HIPK4: variants seen among roughly 807,000 people sequenced by gnomAD.
HIPK4 encodes the protein homeodomain interacting protein kinase 4.
HIPK4 carries 26 observed loss-of-function variants against 44.8 expected under a neutral mutation model. That is an observed-to-expected ratio of 0.58 (90% confidence interval 0.43 to 0.80). The LOEUF is 0.80. Among genes scored for constraint, HIPK4 ranks in the 30% least tolerant of loss-of-function variants. The pLI is 0.00. For missense variants in HIPK4, 729 were observed against 862.6 expected (o/e 0.85, Z 1.94); for synonymous variants, 340 against 355.5 (o/e 0.96, Z 0.49).
Position 40,387,653 on chromosome 19 carries a change from A to T in HIPK4, c.465+1785T>A, listed in dbSNP as rs184528473. 1.0e-3 allele frequency among the ~76,000 whole-genome samples: 154 copies of T among 151,894 alleles called. 1 individual carries two copies. The East Asian group carries it at 0.014, about 14-fold the overall frequency. On this transcript the variant is annotated intron_variant, in intron 1 of 3. Coordinates refer to ENST00000291823, the MANE Select transcript of HIPK4 (RefSeq NM_144685.5). Reference sequence around the variant, plus strand: ...CCCACCACATCTGGCTAAGTTTTGTATTTTTAATAGAGACAGGATTTCACC... The same window carrying T: ...CCCACCACATCTGGCTAAGTTTTGTTTTTTTAATAGAGACAGGATTTCACC...
rs2079351468 is a variant in HIPK4 at position 40,384,085 on chromosome 19, G to T, written c.520C>A (p.Pro174Thr). Residue 174 changes from proline (P) to threonine (T), a missense_variant, in exon 2 of 4, where the codon CCA (proline) becomes ACA (threonine). Around this residue, in one of 2 missense-constraint regions of HIPK4, gnomAD observed 196 missense variants for 295.1 expected, o/e 0.66. Coordinates refer to ENST00000291823, the MANE Select transcript of HIPK4 (RefSeq NM_144685.5). ...IFSEVRYVKE[P>T]YIQSRFYRAP... ...CGGTAGAAGCGCGACTGGATGTATG[G>T]CTCCTTCACGTAGCGCACCTCGCTG... The T allele has an allele frequency of 6.2e-7, 1 of 1,609,520 alleles. No homozygotes were observed. Among genetic ancestry groups the T allele is most frequent in the African/African-American group, 1.3e-5 (1 of 74,848 alleles).
chr19:40,389,374 TG>T lies in HIPK4; in HGVS notation c.465+63del. 1.2e-6 allele frequency: 1 copy of T among 803,760 alleles called. No individual in the cohort carries two copies. The allele number at this position is 803,760 out of a possible 1,614,324, so 49.8% of individuals were successfully genotyped here. ...AAAAATTAAAAAAAAAATCTAGGGC[TG>T]GAAGAAGCTGGGAAAAAGACAAGGA... On this transcript the variant is annotated intron_variant, in intron 1 of 3. Coordinates refer to ENST00000291823, the MANE Select transcript of HIPK4 (RefSeq NM_144685.5). The surrounding 1 kb of genome is among the most constrained non-coding windows in gnomAD (Gnocchi z 4.6).
At chr19:40,384,462 C>T (rs2079353747) in intron 1 of HIPK4, among the ~76,000 whole-genome samples, 1 of 152,114 alleles carries the variant, frequency 6.6e-6, no homozygotes, top group Admixed American at 6.6e-5. Flanking sequence ...CACCACCACA[C>T]CCGGCTAATT....
chr19:40,389,608 A>C lies in HIPK4; in HGVS notation c.295T>G (p.Phe99Val). 1 of 1,614,128 alleles carries C rather than the reference A, an allele frequency of 6.2e-7. No homozygotes were observed. The highest frequency in any genetic ancestry group is 8.5e-7 in the Non-Finnish European group (1 of 1,180,012). The change falls in exon 1 of 4, where the codon TTC becomes GTC. Residue 99 changes from phenylalanine (F) to valine (V), a missense_variant. Phe to Val is a conservative substitution (Grantham distance 50). This residue lies in a region of HIPK4 where 196 missense variants were observed against 295.1 expected (regional missense o/e 0.66). Transcript: ENST00000291823. The surrounding 1 kb of genome is among the most constrained non-coding windows in gnomAD (Gnocchi z 4.6). Reference protein sequence around the residue: ...FELLEQNLFEFQKENNFAPLP... With the variant: ...FELLEQNLFEVQKENNFAPLP... Reference sequence around the variant, plus strand: ...GGCGCGAAGTTGTTCTCCTTCTGGAACTCGAAAAGGTTTTGCTCCAGCAGC... The same window carrying C: ...GGCGCGAAGTTGTTCTCCTTCTGGACCTCGAAAAGGTTTTGCTCCAGCAGC...
intron 2 of HIPK4, 40 bp from the exon 3 acceptor site, chr19:40,381,208 G>T (rs749663878): frequency 6.5e-7 from 1 of 1,533,380 alleles, no homozygotes; most frequent in Non-Finnish European, 8.8e-7. Flanking sequence ...TGACCATTGT[G>T]CAGGGCTAGG....
rs2079375901 is a variant in HIPK4 at position 40,389,152 on chromosome 19, T to C, written c.465+286A>G. ...CCAAGATCATGCCATCATCACCCCG[T>C]CTCTGATAAGTACAAAAAAAAAATT... On this transcript the variant is annotated intron_variant, in intron 1 of 3. Coordinates refer to ENST00000291823, the MANE Select transcript of HIPK4 (RefSeq NM_144685.5). This position sits in a 1 kb window ranked among gnomAD's most constrained non-coding sequence, Gnocchi z 4.6. Among the ~76,000 whole-genome samples the C allele has an allele frequency of 1.4e-5, 2 of 147,820 alleles. No individual in the cohort carries two copies. The highest frequency in any genetic ancestry group is 4.3e-4 in the South Asian group (2 of 4,632).
intron 2 of HIPK4, among the ~76,000 whole-genome samples, chr19:40,383,081 CTTTTTTT>C (rs71171564): frequency 5.0e-4 from 39 of 78,588 alleles, no homozygotes; most frequent in Middle Eastern, 8.3e-3. Flanking sequence ...TCTTTTCTTT[CTTTTTTT>C]TTTTTTTTTT....
At position 40,383,793 on chromosome 19, in the gene HIPK4, G is replaced by C. The variant is rs148038861; in HGVS notation, c.812C>G (p.Ala271Gly). The C allele has an allele frequency of 2.6e-4, 421 of 1,606,282 alleles. 2 individuals are homozygous for C. The African/African-American group carries it at 4.6e-3, about 18-fold the overall frequency. Residue 271 changes from alanine to glycine, a missense_variant, in exon 2 of 4, where the codon GCC (alanine) becomes GGC (glycine). By Grantham distance (60) the Ala-to-Gly change is moderately conservative. This residue lies in a region of HIPK4 where 533 missense variants were observed against 567.5 expected (regional missense o/e 0.94). Transcript: ENST00000291823. ...CAACTTTTCCCTTACCTTCGTCTCG[G>C]CCAGGTAGTCAGCCGAGGACTTGAG... is the stretch of plus-strand genomic sequence containing the variant. ...WQLKSSADYL[A>G]ETKVRPLERR... is the part of the protein sequence containing the mutation.
intron 1 of HIPK4, among the ~76,000 whole-genome samples, chr19:40,385,683 C>CTTTTTTTTTTTT (rs142414559): frequency 4.6e-4 from 31 of 67,036 alleles, no homozygotes; most frequent in Non-Finnish European, 7.3e-4. Context: ...CTTTTCTTTT[C>CTTTTTTTTTTTT]TTTTTTTTTT....
At position 40,389,970 on chromosome 19, in the gene HIPK4, C is replaced by T; in HGVS notation, c.-68G>A. ...CCACTGGCTCTGCCGCCCAGGCCTCCCGCCTGGCTGCTGACACAGCAGGCC... is the reference window on the plus strand; with the variant it reads ...CCACTGGCTCTGCCGCCCAGGCCTCTCGCCTGGCTGCTGACACAGCAGGCC... On this transcript the variant is annotated 5_prime_UTR_variant, in exon 1 of 4. Coordinates refer to ENST00000291823, the MANE Select transcript of HIPK4 (RefSeq NM_144685.5). This position sits in a 1 kb window ranked among gnomAD's most constrained non-coding sequence, Gnocchi z 4.6. 8.0e-7 allele frequency: 1 copy of T among 1,257,376 alleles called. No homozygotes were observed. The highest frequency in any genetic ancestry group is 1.1e-6 in the Non-Finnish European group (1 of 902,172). The allele number at this position is 1,257,376 out of a possible 1,614,324, so 77.9% of individuals were successfully genotyped here. A position where few individuals can be genotyped will look rare whatever the true frequency, so the allele number is the denominator to read the frequency against.
At position 40,390,134 on chromosome 19, in the gene HIPK4, GGA is replaced by G. The variant is rs2079382251; in HGVS notation, c.-234_-233del. The G allele has an allele frequency of 8.9e-6, 5 of 563,332 alleles. No individual in the cohort carries two copies. Among genetic ancestry groups the G allele is most frequent in the Non-Finnish European group, 1.6e-5 (5 of 314,294 alleles). 34.9% of individuals were successfully genotyped at this position (563,332 alleles called of 1,614,324 possible). A position where few individuals can be genotyped will look rare whatever the true frequency, so the allele number is the denominator to read the frequency against. On this transcript the variant is annotated 5_prime_UTR_variant, in exon 1 of 4. Coordinates refer to ENST00000291823, the MANE Select transcript of HIPK4 (RefSeq NM_144685.5). ...CCTCCCCAGAAACCCTCCTGGCTTG[GGA>G]TGAGGGGCCCCAGGCCCCACCGAAT...
intron 2 of HIPK4, 151 bp downstream of exon 2, chr19:40,383,632 G>A: frequency 3.0e-6 from 2 of 665,634 alleles, no homozygotes; most frequent in Non-Finnish European, 5.3e-6. Flanking sequence ...ATGTTCCCCA[G>A]GCTGGTCTCA....
Position 40,380,621 on chromosome 19 carries a change from A to T in HIPK4, c.1370T>A (p.Leu457His). The change falls in exon 3 of 4, where the codon CTC (leucine) becomes CAC (histidine). Residue 457 changes from leucine to histidine, a missense_variant. Leu to His is a moderately conservative substitution (Grantham distance 99, BLOSUM62 -3). This residue lies in a region of HIPK4 where 533 missense variants were observed against 567.5 expected (regional missense o/e 0.94). Transcript: ENST00000291823. This position sits in a 1 kb window ranked among gnomAD's most constrained non-coding sequence, Gnocchi z 4.2. ...TNAVSDMMVP[L>H]KAAITGHHVP... ...ATGGTGGCCAGTGATGGCTGCCTTG[A>T]GGGGGACCATCATGTCGGAGACCGC... The T allele has an allele frequency of 6.2e-7, 1 of 1,613,570 alleles. No homozygotes were observed. The highest frequency in any genetic ancestry group is 8.5e-7 in the Non-Finnish European group (1 of 1,179,938).
At position 40,384,026 on chromosome 19, in the gene HIPK4, G is replaced by C; in HGVS notation, c.579C>G (p.Cys193Trp). The change falls in exon 2 of 4, where the codon TGC (cysteine) becomes TGG (tryptophan). Residue 193 changes from cysteine to tryptophan, a missense_variant. Around this residue, in one of 2 missense-constraint regions of HIPK4, gnomAD observed 196 missense variants for 295.1 expected, o/e 0.66. Coordinates refer to ENST00000291823, the MANE Select transcript of HIPK4 (RefSeq NM_144685.5). ...APEILLGLPF[C>W]EKVDVWSLGC... The stretch of plus-strand genomic sequence containing the variant: ...CCAGGGACCACACGTCCACCTTCTC[G>C]CAGAAGGGCAGCCCCAGCAGGATCT... 1 of 1,614,036 alleles carries C rather than the reference G, an allele frequency of 6.2e-7. No individual in the cohort carries two copies. Among genetic ancestry groups the C allele is most frequent in the Non-Finnish European group, 8.5e-7 (1 of 1,179,920 alleles).
rs1332998270 is a variant in HIPK4 at position 40,380,932 on chromosome 19, G to C, written c.1059C>G (p.Arg353=). ...AGTAGTGGGTGGTCTCGTGGGCACT[G>C]CGCAGCTGCTGCATGGACACGAAGG... is the stretch of plus-strand genomic sequence containing the variant. ...RHPFVSMQQL[R]SAHETTHYYQ... Residue 353 remains arginine (R), a synonymous_variant, in exon 3 of 4, where the codon CGC becomes CGG. Coordinates refer to ENST00000291823, the MANE Select transcript of HIPK4 (RefSeq NM_144685.5). This position sits in a 1 kb window ranked among gnomAD's most constrained non-coding sequence, Gnocchi z 4.2. 1.2e-6 allele frequency: 2 copies of C among 1,609,458 alleles called. No individual in the cohort carries two copies. The highest frequency in any genetic ancestry group is 1.1e-5 in the South Asian group (1 of 91,022).
chr19:40,389,618 G>A lies in HIPK4; in HGVS notation c.285C>T (p.Asn95=). The A allele has an allele frequency of 6.2e-7, 1 of 1,614,182 alleles. No homozygotes were observed. The highest frequency in any genetic ancestry group is 1.1e-5 in the South Asian group (1 of 91,090). The change falls in exon 1 of 4, where the codon AAC becomes AAT. Residue 95 remains asparagine (N), a synonymous_variant. Coordinates refer to ENST00000291823, the MANE Select transcript of HIPK4 (RefSeq NM_144685.5). The surrounding 1 kb of genome is among the most constrained non-coding windows in gnomAD (Gnocchi z 4.6). ...FYLVFELLEQ[N]LFEFQKENNF... ...TGTTCTCCTTCTGGAACTCGAAAAG[G>A]TTTTGCTCCAGCAGCTCAAAGACCA...
chr19:40,385,959 C>T (rs1160054212), intron 1 of HIPK4, among the ~76,000 whole-genome samples: 1 of 151,810 alleles, frequency 6.6e-6, no homozygotes. Context: ...CCACTCGCCT[C>T]GGCCTCCCAA....
At chr19:40,384,290 G>T in intron 1 of HIPK4, 151 bp from the exon 2 acceptor site, 1 of 661,880 alleles carries the variant, frequency 1.5e-6, no homozygotes. Context: ...TTGCTTTGTT[G>T]GTTTTTGTTT....
Position 40,389,027 on chromosome 19 carries a change from C to A in HIPK4, c.465+411G>T, listed in dbSNP as rs1428057891. On this transcript the variant is annotated intron_variant, in intron 1 of 3. Transcript: ENST00000291823. This position sits in a 1 kb window ranked among gnomAD's most constrained non-coding sequence, Gnocchi z 4.6. Reference sequence around the variant, plus strand: ...CGAAACTCCATCTCTACTAAAAATACAAAAATTAGCCGGGCATGGGTGGCG... The same window carrying A: ...CGAAACTCCATCTCTACTAAAAATAAAAAAATTAGCCGGGCATGGGTGGCG... Among the ~76,000 whole-genome samples the A allele has an allele frequency of 2.0e-5, 3 of 151,922 alleles. No individual in the cohort carries two copies. The highest frequency in any genetic ancestry group is 2.1e-4 in the South Asian group (1 of 4,814).
Sources: allele counts gnomAD v4.1 joint callset (sites outside exome capture counted in the v4.1 genomes callset), GRCh38; gene constraint gnomAD v4.1.1; regional missense constraint gnomAD v4.1.1; non-coding constraint Gnocchi (gnomAD v3.1); transcripts MANE v1.5; gene names NCBI Gene and HGNC (gene_info 2026-07-23, HGNC 2026-07-21).